The following SURF4 variants were observed in gnomAD, a reference collection of about 807,000 sequenced individuals.
SURF4 encodes the protein surfeit locus protein 4.
SURF4 carries 3 observed loss-of-function variants against 30.0 expected under a neutral mutation model. The ratio of observed to expected loss-of-function variants is 0.10; its 90% confidence interval spans 0.05 to 0.26. The LOEUF (loss-of-function observed/expected upper bound fraction) is 0.26. Among genes scored for constraint, SURF4 ranks in the 10% least tolerant of loss-of-function variants. The pLI, the probability that SURF4 is intolerant of heterozygous loss-of-function variation, is 1.00. For missense variants in SURF4, 217 were observed against 350.8 expected, an observed-to-expected ratio of 0.62 and a Z score of 3.05; for synonymous variants, 143 against 139.9, an observed-to-expected ratio of 1.02 and a Z score of -0.16.
upstream of SURF4, chr9:133,376,641 C>T (rs2130250262): frequency 1.7e-4 from 230 of 1,315,116 alleles, 1 homozygote; most frequent in South Asian, 3.0e-3. Context: ...GCGGTTCCGA[C>T]CGAGGGCGGC....
chr9:133,366,041 AAG>A lies in SURF4; in HGVS notation c.313-15_313-14del, dbSNP rs1164379080. On this transcript the variant is annotated splice_polypyrimidine_tract_variant and intron_variant, in intron 3 of 5. Coordinates refer to ENST00000371989, the MANE Select transcript of SURF4 (RefSeq NM_033161.4). Reference sequence around the variant, plus strand: ...TGTAGGCAATCGTCTGAGGGGAAAGAAGAGAGAGATACTTGAGTCTCAGCCTT... The same window carrying A: ...TGTAGGCAATCGTCTGAGGGGAAAGAAGAGAGATACTTGAGTCTCAGCCTT... The A allele has an allele frequency of 1.2e-6, 2 of 1,613,724 alleles. No individual in the cohort carries two copies. Among genetic ancestry groups the A allele is most frequent in the African/African-American group, 1.3e-5 (1 of 74,942 alleles).
chr9:133,377,262 A>G (rs189816861), upstream of SURF4, among the ~76,000 whole-genome samples: 18 of 151,362 alleles, frequency 1.2e-4, no homozygotes, highest in African/African-American at 2.7e-4. Flanking sequence ...CTGCTTTTGG[A>G]AAAAAAAATA....
intron 1 of SURF4, among the ~76,000 whole-genome samples, chr9:133,368,503 G>T (rs1837313282): frequency 6.6e-6 from 1 of 152,256 alleles, no homozygotes; most frequent in Non-Finnish European, 1.5e-5. Flanking sequence ...TACCGCTAAT[G>T]GCTAGAAAGC....
At chr9:133,370,896 T>C (rs2130184200) in intron 1 of SURF4, 2 of 1,289,604 alleles carry the variant, frequency 1.6e-6, no homozygotes, top group Admixed American at 4.6e-5. Context: ...AAGCTTCTCA[T>C]TAAGTCTCTC....
chr9:133,368,072 C>T (rs28447660), intron 1 of SURF4, among the ~76,000 whole-genome samples: 2 of 152,238 alleles, frequency 1.3e-5, no homozygotes, highest in Non-Finnish European at 2.9e-5. Context: ...AACCCCTCAC[C>T]TTACAAATGG....
intron 1 of SURF4, among the ~76,000 whole-genome samples, chr9:133,372,204 G>A (rs1016023680): frequency 6.6e-6 from 1 of 152,208 alleles, no homozygotes; most frequent in African/African-American, 2.4e-5. Context: ...AGAGGACACT[G>A]TCCCTGGCTG....
rs1836963919 is a variant in SURF4 at position 133,363,540 on chromosome 9, G to A, written c.763C>T (p.Leu255=). The A allele has an allele frequency of 6.2e-7, 1 of 1,614,198 alleles. No homozygotes were observed. The highest frequency in any genetic ancestry group is 1.6e-4 in the Middle Eastern group (1 of 6,062). ...VIGGLLLVVA[L]GPGGVSMDEK... ...TCCATGGAGACACCCCCAGGGCCCA[G>A]GGCCACCACCAGGAGCAAGCCCCCA... is the stretch of plus-strand genomic sequence containing the variant. The change falls in exon 6 of 6, where the codon CTG becomes TTG. Residue 255 remains leucine, a synonymous_variant. Coordinates refer to ENST00000371989, the MANE Select transcript of SURF4 (RefSeq NM_033161.4). This position sits in a 1 kb window ranked among gnomAD's most constrained non-coding sequence, Gnocchi z 4.3.
At position 133,367,516 on chromosome 9, in the gene SURF4, C is replaced by A. The variant is rs2130144443; in HGVS notation, c.49-71G>T. ...GCACCAGGCCGCTGCCAGGCACGTCCTTGGGCGGGGTGTGTGAGGAACAGA... is the reference window on the plus strand; with the variant it reads ...GCACCAGGCCGCTGCCAGGCACGTCATTGGGCGGGGTGTGTGAGGAACAGA... On this transcript the variant is annotated intron_variant, in intron 1 of 5. Coordinates refer to ENST00000371989, the MANE Select transcript of SURF4 (RefSeq NM_033161.4). The A allele has an allele frequency of 1.4e-5, 22 of 1,598,624 alleles. No homozygotes were observed. In the South Asian group the frequency reaches 2.3e-4, roughly 17 times the overall value.
chr9:133,363,289 TCAGACGC>T lies in SURF4; in HGVS notation c.*197_*203del. On this transcript the variant is annotated 3_prime_UTR_variant, in exon 6 of 6. Coordinates refer to ENST00000371989, the MANE Select transcript of SURF4 (RefSeq NM_033161.4). The surrounding 1 kb of genome is among the most constrained non-coding windows in gnomAD (Gnocchi z 4.3). The stretch of plus-strand genomic sequence containing the variant: ...TGCCAGGCTGGCCTGCACTGAAGGG[TCAGACGC>T]CAGACTGTGGCTCCAGAGCAGACTG... The T allele has an allele frequency of 2.2e-6, 2 of 914,974 alleles. No homozygotes were observed. The highest frequency in any genetic ancestry group is 3.5e-6 in the Non-Finnish European group (2 of 572,126). 56.7% of individuals were successfully genotyped at this position (914,974 alleles called of 1,614,324 possible). A position where few individuals can be genotyped will look rare whatever the true frequency, so the allele number is the denominator to read the frequency against.
chr9:133,376,186 C>A (rs897169879), upstream of SURF4: 12 of 1,249,840 alleles, frequency 9.6e-6, no homozygotes, highest in Admixed American at 4.3e-5. Context: ...ACGCGCCATC[C>A]CCAGCCTCCC....
intron 1 of SURF4, among the ~76,000 whole-genome samples, chr9:133,368,852 C>CCACCAA (rs1472308493): frequency 1.3e-5 from 2 of 152,184 alleles, no homozygotes; most frequent in African/African-American, 2.4e-5. Flanking sequence ...GGGGACCCAT[C>CCACCAA]CACCAACGCA....
At chr9:133,375,310 C>G (rs1041148781) in intron 1 of SURF4, 1 of 985,426 alleles carries the variant, frequency 1.0e-6, no homozygotes, top group Non-Finnish European at 1.2e-6. Flanking sequence ...CAGGTCCCCA[C>G]TCAATCCAGC....
intron 4 of SURF4, 97 bp downstream of exon 4, chr9:133,365,888 C>T (rs2130121087): frequency 3.6e-5 from 47 of 1,307,438 alleles, no homozygotes; most frequent in Non-Finnish European, 5.1e-5. Flanking sequence ...ATGTTGGTGC[C>T]CAAGATTTTT....
intron 1 of SURF4, chr9:133,375,535 G>C (rs1837845014): frequency 1.8e-6 from 1 of 556,380 alleles, no homozygotes; most frequent in South Asian, 8.0e-5. Flanking sequence ...GAGGAAAAAC[G>C]TGCGGGGACC....
At chr9:133,368,083 C>G (rs1483769995) in intron 1 of SURF4, among the ~76,000 whole-genome samples, 6 of 152,230 alleles carry the variant, frequency 3.9e-5, no homozygotes, top group Admixed American at 3.9e-4. Flanking sequence ...TTACAAATGG[C>G]TATATTAAAC....
upstream of SURF4, among the ~76,000 whole-genome samples, chr9:133,377,152 C>T (rs2130252899): frequency 2.6e-5 from 4 of 152,084 alleles, no homozygotes; most frequent in South Asian, 8.3e-4. Flanking sequence ...GACTATAGGG[C>T]GTTGCCAGAG....
intron 2 of SURF4, 118 bp downstream of exon 2, chr9:133,367,141 G>A (rs1185223134): frequency 2.7e-5 from 35 of 1,305,454 alleles, no homozygotes; most frequent in Non-Finnish European, 3.5e-5. Flanking sequence ...TGGAGAAGAG[G>A]GGAATGGAGG....
At chr9:133,374,022 T>A (rs1040413307) in intron 1 of SURF4, among the ~76,000 whole-genome samples, 6 of 151,792 alleles carry the variant, frequency 4.0e-5, no homozygotes, top group Admixed American at 1.3e-4. Flanking sequence ...GCAGCTTGAC[T>A]GGAGACATTT....
chr9:133,370,750 T>G (rs1477421783), intron 1 of SURF4: 6 of 679,682 alleles, frequency 8.8e-6, no homozygotes, highest in Non-Finnish European at 1.4e-5. Flanking sequence ...AGGTGACCTG[T>G]GTAAACACGG....
Sources: allele counts gnomAD v4.1 joint callset (sites outside exome capture counted in the v4.1 genomes callset), GRCh38; gene constraint gnomAD v4.1.1; non-coding constraint Gnocchi (gnomAD v3.1); transcripts MANE v1.5; gene names NCBI Gene and HGNC (gene_info 2026-07-23, HGNC 2026-07-21).